ASTN2: variants seen among roughly 807,000 people sequenced by gnomAD.
ASTN2 encodes astrotactin-2.
In ASTN2, 54 loss-of-function variants were observed where a neutral mutation model predicts 139.8. That is an observed-to-expected ratio of 0.39 (90% CI 0.31 to 0.48). The LOEUF (loss-of-function observed/expected upper bound fraction) is 0.48. Among genes scored for constraint, ASTN2 ranks in the 20% least tolerant of loss-of-function variants. The pLI is 0.95. For synonymous variants in ASTN2, 756 were observed against 719.5 expected (o/e 1.05, Z -0.81); for missense variants, 1,565 against 1,725.1 (o/e 0.91, Z 1.64).
intron 6 of ASTN2, among the ~76,000 whole-genome samples, chr9:117,020,695 G>T (rs961123458): frequency 6.6e-6 from 1 of 152,098 alleles, no homozygotes; most frequent in Non-Finnish European, 1.5e-5. Context: ...GGGCATGCTG[G>T]TGTCTCATCT....
intron 19 of ASTN2, among the ~76,000 whole-genome samples, chr9:116,597,236 C>A (rs537214770): frequency 6.7e-6 from 1 of 150,072 alleles, no homozygotes; most frequent in East Asian, 2.0e-4. Flanking sequence ...GCATTGTGAT[C>A]CAACTCTTTG....
intron 13 of ASTN2, among the ~76,000 whole-genome samples, chr9:116,771,518 A>C (rs1829953140): frequency 6.6e-6 from 1 of 152,146 alleles, no homozygotes; most frequent in Non-Finnish European, 1.5e-5. Context: ...AACAGCATCC[A>C]ATTTATGGTT....
chr9:116,538,692 G>T (rs542534715), intron 19 of ASTN2, among the ~76,000 whole-genome samples: 2 of 152,170 alleles, frequency 1.3e-5, no homozygotes, highest in South Asian at 4.1e-4. Flanking sequence ...CACAATTTTT[G>T]CCTTTGAATA....
intron 1 of ASTN2, among the ~76,000 whole-genome samples, chr9:117,350,951 C>T (rs981397298): frequency 1.3e-5 from 2 of 152,258 alleles, no homozygotes; most frequent in South Asian, 4.2e-4. Flanking sequence ...TGCTTTGGCA[C>T]GACCGCCATG....
chr9:117,063,218 T>G (rs2132691669), intron 5 of ASTN2, among the ~76,000 whole-genome samples: 1 of 152,342 alleles, frequency 6.6e-6, no homozygotes, highest in South Asian at 2.1e-4. Context: ...ATTTTGTCCT[T>G]CATAAGGTAC....
intron 1 of ASTN2, among the ~76,000 whole-genome samples, chr9:117,332,288 T>G (rs1164869562): frequency 6.6e-6 from 1 of 152,156 alleles, no homozygotes; most frequent in African/African-American, 2.4e-5. Flanking sequence ...TAGACAGGAT[T>G]GGCTGGGTGT....
chr9:116,882,213 T>A (rs555939104), intron 10 of ASTN2, among the ~76,000 whole-genome samples: 28 of 152,252 alleles, frequency 1.8e-4, no homozygotes, highest in Non-Finnish European at 2.9e-4. Flanking sequence ...CCAACAGCAG[T>A]CTTGCAAAGT....
intron 19 of ASTN2, among the ~76,000 whole-genome samples, chr9:116,601,266 C>T (rs909444562): frequency 6.2e-4 from 94 of 152,074 alleles, no homozygotes; most frequent in African/African-American, 2.1e-3. Flanking sequence ...AAACCTTGTA[C>T]GATGTGTCAA....
intron 10 of ASTN2, among the ~76,000 whole-genome samples, chr9:116,904,000 C>T (rs1312927976): frequency 6.6e-6 from 1 of 152,204 alleles, no homozygotes; most frequent in Admixed American, 6.5e-5. Context: ...TCATTAGTTG[C>T]ATTTGAAAGC....
intron 1 of ASTN2, among the ~76,000 whole-genome samples, chr9:117,368,504 T>C (rs1318334748): frequency 1.3e-5 from 2 of 152,208 alleles, no homozygotes; most frequent in Admixed American, 6.5e-5. Flanking sequence ...AGGATAAGCA[T>C]AGAATTATAC....
At chr9:116,997,052 T>A (rs1236319640) in intron 7 of ASTN2, among the ~76,000 whole-genome samples, 3 of 152,178 alleles carry the variant, frequency 2.0e-5, no homozygotes, top group Non-Finnish European at 2.9e-5. Flanking sequence ...TCTTCCTATA[T>A]GCAGCTTTGT....
rs75105480 is a variant in ASTN2 at position 117,023,424 on chromosome 9, G to A, written c.1424-15165C>T. Reference sequence around the variant, plus strand: ...AACTTCACATGTTCCTTTAAATGTCGTTTTCTCAGAGAGATCTTCCCTGAC... The same window carrying A: ...AACTTCACATGTTCCTTTAAATGTCATTTTCTCAGAGAGATCTTCCCTGAC... On this transcript the variant is annotated intron_variant, in intron 6 of 22. Coordinates refer to ENST00000313400, the MANE Select transcript of ASTN2 (RefSeq NM_001365068.1). Among the ~76,000 whole-genome samples the A allele has an allele frequency of 7.7e-3, 1,169 of 152,184 alleles. 4 individuals carry two copies. Among genetic ancestry groups the A allele is most frequent in the Non-Finnish European group, 0.01 (687 of 68,018 alleles).
intron 3 of ASTN2, among the ~76,000 whole-genome samples, chr9:117,182,233 C>CAA (rs34087415): frequency 1.9e-4 from 22 of 116,992 alleles, no homozygotes; most frequent in African/African-American, 3.1e-4. Context: ...GCATGCCTTC[C>CAA]AAAAAAAAAA....
At chr9:117,093,001 G>C (rs551987827) in intron 5 of ASTN2, among the ~76,000 whole-genome samples, 62 of 152,246 alleles carry the variant, frequency 4.1e-4, no homozygotes, top group African/African-American at 1.4e-3. Context: ...CATGGGGGAG[G>C]TAAACAGGGT....
chr9:117,289,278 G>C (rs1834527034), intron 2 of ASTN2, among the ~76,000 whole-genome samples: 1 of 152,160 alleles, frequency 6.6e-6, no homozygotes, highest in Non-Finnish European at 1.5e-5. Context: ...TCATGGGTGG[G>C]GAGGGTCTGA....
At chr9:116,701,620 T>C (rs1861173143) in intron 16 of ASTN2, among the ~76,000 whole-genome samples, 1 of 152,208 alleles carries the variant, frequency 6.6e-6, no homozygotes, top group Non-Finnish European at 1.5e-5. Flanking sequence ...TCTGTGCTTT[T>C]GAAAGAGGTG....
chr9:116,659,009 A>T lies in ASTN2; in HGVS notation c.2807-7216T>A, dbSNP rs1329163998. ...TTAGATGTGGTCTGCTAAGATTTTCATCTAGAGGTAGAGGAAAATTATCCC... is the reference window on the plus strand; with the variant it reads ...TTAGATGTGGTCTGCTAAGATTTTCTTCTAGAGGTAGAGGAAAATTATCCC... On this transcript the variant is annotated intron_variant, in intron 16 of 22. Transcript: ENST00000313400. Among the ~76,000 whole-genome samples, 5 of 152,200 alleles carry T rather than the reference A, an allele frequency of 3.3e-5. No individual in the cohort carries two copies. The East Asian group carries it at 7.7e-4, about 24-fold the overall frequency.
At chr9:116,997,289 G>A (rs1003210633) in intron 7 of ASTN2, among the ~76,000 whole-genome samples, 2 of 152,088 alleles carry the variant, frequency 1.3e-5, no homozygotes, top group African/African-American at 4.8e-5. Flanking sequence ...GACACAGATT[G>A]TCCTTTCTTA....
At chr9:116,648,862 T>G (rs986611950) in intron 17 of ASTN2, among the ~76,000 whole-genome samples, 1 of 151,786 alleles carries the variant, frequency 6.6e-6, no homozygotes, top group Non-Finnish European at 1.5e-5. Flanking sequence ...GTTGAAACCT[T>G]GTCTCTACTA....
Sources: gnomAD v4.1 joint callset for allele counts (sites outside exome capture counted in the v4.1 genomes callset) on GRCh38, gnomAD v4.1.1 for gene constraint, MANE v1.5 for transcripts, NCBI Gene and HGNC (gene_info 2026-07-23, HGNC 2026-07-21) for gene names.